Variants in MCCC2 observed in about 807,000 individuals in gnomAD.
The protein encoded by MCCC2 is methylcrotonoyl-CoA carboxylase beta chain, mitochondrial.
A neutral mutation model predicts 77.2 loss-of-function variants in MCCC2; 52 were observed. The ratio of observed to expected loss-of-function variants is 0.67; its 90% CI spans 0.54 to 0.85. The LOEUF (loss-of-function observed/expected upper bound fraction) is 0.85. Among genes scored for constraint, MCCC2 ranks in the 40% least tolerant of loss-of-function variants. The probability of loss-of-function intolerance (pLI) is 0.00; values close to 1 mark genes in which losing one functional copy is unlikely to be tolerated. For missense variants in MCCC2, 682 were observed against 703.2 expected (o/e 0.97, Z 0.34); for synonymous variants, 253 against 248.4 (o/e 1.02, Z -0.18).
At position 71,602,586 on chromosome 5, in the gene MCCC2, G is replaced by A. The variant is rs119103220; in HGVS notation, c.464G>A (p.Arg155Gln). The A allele has an allele frequency of 5.0e-6, 8 of 1,613,942 alleles. No homozygotes were observed. Among genetic ancestry groups the A allele is most frequent in the African/African-American group, 1.3e-5 (1 of 74,878 alleles). The change falls in exon 5 of 17, where the codon CGG (arginine) becomes CAG (glutamine). Residue 155 changes from arginine (R) to glutamine (Q), a missense_variant. Coordinates refer to ENST00000340941, the MANE Select transcript of MCCC2 (RefSeq NM_022132.5). ...CCAGTGACTGTGAAAAAACAATTAC[G>A]GGCCCAAGAAATTGCCATGCAAAAC... Reference protein sequence around the residue: ...YYPVTVKKQLRAQEIAMQNRL... With the variant: ...YYPVTVKKQLQAQEIAMQNRL...
intron 4 of MCCC2, 75 bp from the exon 5 acceptor site, chr5:71,602,431 G>A (rs1052543221): frequency 6.3e-7 from 1 of 1,583,076 alleles, no homozygotes; most frequent in Non-Finnish European, 8.7e-7. Context: ...TTGTATTGGG[G>A]TATCTTGTAA....
rs1336874167 is a variant in MCCC2 at position 71,657,084 on chromosome 5, C to G, written c.*224C>G. On this transcript the variant is annotated 3_prime_UTR_variant, in exon 17 of 17. Transcript: ENST00000340941. ...TTCTCTGTGGCTCAGTTTTACCACC[C>G]ATAAAGCGGAGACAGTAATTTACGG... 2.1e-6 allele frequency: 1 copy of G among 486,886 alleles called. No individual in the cohort carries two copies. Among genetic ancestry groups the G allele is most frequent in the Non-Finnish European group, 3.7e-6 (1 of 268,374 alleles). 30.2% of individuals were successfully genotyped at this position (486,886 alleles called of 1,614,324 possible). A position where few individuals can be genotyped will look rare whatever the true frequency, so the allele number is the denominator to read the frequency against.
At chr5:71,648,944 C>G (rs1561847830) in intron 13 of MCCC2, among the ~76,000 whole-genome samples, 153 bp from the exon 14 acceptor site, 1 of 152,220 alleles carries the variant, frequency 6.6e-6, no homozygotes, top group South Asian at 2.1e-4. Context: ...TTAAAGCAAA[C>G]TTTTTAACGG....
In MCCC2 at chr5:71,642,101, C is replaced by T. The variant is rs1368786915; in HGVS notation, c.1072+1026C>T. 2.6e-5 allele frequency among the ~76,000 whole-genome samples: 4 copies of T among 152,176 alleles called. No individual in the cohort carries two copies. The South Asian group carries it at 6.2e-4, about 24-fold the overall frequency. Reference sequence around the variant, plus strand: ...TCTGCTTTTATGGATTTGCCTCCTACTTGCTAAAAGCCCTGTGGCACTCTT... The same window carrying T: ...TCTGCTTTTATGGATTTGCCTCCTATTTGCTAAAAGCCCTGTGGCACTCTT... On this transcript the variant is annotated intron_variant, in intron 11 of 16. Coordinates refer to ENST00000340941, the MANE Select transcript of MCCC2 (RefSeq NM_022132.5).
chr5:71,589,170 G>A (rs1469417153), intron 1 of MCCC2, among the ~76,000 whole-genome samples: 5 of 152,190 alleles, frequency 3.3e-5, no homozygotes, highest in Non-Finnish European at 7.3e-5. Flanking sequence ...AGGGGAAAAT[G>A]GATGACTTTG....
In MCCC2 at chr5:71,656,222, A is replaced by AAAT. The variant is rs530470608; in HGVS notation, c.1575-506_1575-504dup. The stretch of plus-strand genomic sequence containing the variant: ...GTGACAGAGCGAGACTCCATCTCAA[A>AAAT]AATAATAATAATAATAAATAAGATA... On this transcript the variant is annotated intron_variant, in intron 16 of 16. Transcript: ENST00000340941. Among the ~76,000 whole-genome samples the AAAT allele has an allele frequency of 2.8e-3, 423 of 152,256 alleles. 1 individual carries two copies. The highest frequency in any genetic ancestry group is 9.8e-3 in the African/African-American group (407 of 41,544).
At chr5:71,631,792 G>A (rs549240824) in intron 7 of MCCC2, among the ~76,000 whole-genome samples, 37 of 151,786 alleles carry the variant, frequency 2.4e-4, no homozygotes, top group Non-Finnish European at 4.7e-4. Context: ...CACCCGCCTC[G>A]GCCTCCCAAA....
chr5:71,601,183 A>G (rs1745415828), intron 4 of MCCC2, among the ~76,000 whole-genome samples: 1 of 152,224 alleles, frequency 6.6e-6, no homozygotes, highest in Non-Finnish European at 1.5e-5. Context: ...CTCATTCTGT[A>G]ACAAGTCTGT....
At chr5:71,623,069 A>G (rs981957823) in intron 6 of MCCC2, among the ~76,000 whole-genome samples, 1 of 152,254 alleles carries the variant, frequency 6.6e-6, no homozygotes. Context: ...GAATAGTTGA[A>G]CAGGTTAGAT....
intron 6 of MCCC2, among the ~76,000 whole-genome samples, chr5:71,619,656 C>T (rs564086505): frequency 1.3e-5 from 2 of 152,208 alleles, no homozygotes; most frequent in South Asian, 2.1e-4. Flanking sequence ...GCCTCAGCCT[C>T]CTGAGTAGCT....
chr5:71,616,112 C>T (rs866297601), intron 6 of MCCC2, among the ~76,000 whole-genome samples: 1 of 152,192 alleles, frequency 6.6e-6, no homozygotes, highest in Non-Finnish European at 1.5e-5. Context: ...TGGTGCATTC[C>T]CACTCCGCGG....
At chr5:71,655,698 C>A (rs974928503) in intron 16 of MCCC2, among the ~76,000 whole-genome samples, 3 of 151,836 alleles carry the variant, frequency 2.0e-5, no homozygotes, top group Non-Finnish European at 2.9e-5. Context: ...GGTTCAGATA[C>A]CGAAGGGAGT....
At chr5:71,654,859 A>G (rs1747537111) in intron 16 of MCCC2, among the ~76,000 whole-genome samples, 1 of 145,982 alleles carries the variant, frequency 6.9e-6, no homozygotes. Context: ...TTTTTTTGAG[A>G]CAGAGTTTCT....
At chr5:71,609,346 A>C (rs369301135) in intron 6 of MCCC2, among the ~76,000 whole-genome samples, 3 of 152,006 alleles carry the variant, frequency 2.0e-5, no homozygotes, top group Admixed American at 6.6e-5. Flanking sequence ...ACCCTTTCTT[A>C]CAGTTGATCG....
At chr5:71,650,773 C>T (rs933302758) in intron 15 of MCCC2, among the ~76,000 whole-genome samples, 7 of 152,282 alleles carry the variant, frequency 4.6e-5, no homozygotes, top group South Asian at 4.1e-4. Flanking sequence ...CTCAGCCTCC[C>T]GAGTAGCTGG....
intron 5 of MCCC2, 95 bp from the exon 6 acceptor site, chr5:71,604,261 T>C: frequency 9.3e-7 from 1 of 1,079,596 alleles, no homozygotes. Flanking sequence ...TTTGTGAATG[T>C]GATTAAGAAC....
chr5:71,640,661 C>T (rs1561844899), intron 10 of MCCC2, among the ~76,000 whole-genome samples: 1 of 152,134 alleles, frequency 6.6e-6, no homozygotes, highest in Non-Finnish European at 1.5e-5. Flanking sequence ...ACTCTGAGCC[C>T]TGTCTCTACC....
Position 71,626,718 on chromosome 5 carries a change from A to C in MCCC2, c.703A>C (p.Lys235Gln). 6.2e-7 allele frequency: 1 copy of C among 1,614,102 alleles called. No individual in the cohort carries two copies. Among genetic ancestry groups the C allele is most frequent in the African/African-American group, 1.3e-5 (1 of 75,022 alleles). Residue 235 changes from lysine (K) to glutamine (Q), a missense_variant, in exon 7 of 17, where the codon AAG becomes CAG. Coordinates refer to ENST00000340941, the MANE Select transcript of MCCC2 (RefSeq NM_022132.5). ...AMADENIIVR[K>Q]QGTIFLAGPP... ...GGCTGATGAAAACATCATTGTACGC[A>C]AGCAGGGTACCATTTTCTTGGCAGG...
chr5:71,619,728 C>T (rs887481344), intron 6 of MCCC2, among the ~76,000 whole-genome samples: 5 of 151,920 alleles, frequency 3.3e-5, no homozygotes, highest in Non-Finnish European at 5.9e-5. Flanking sequence ...AAAGCAGGCA[C>T]GGTGGCTCAC....
Sources: allele counts gnomAD v4.1 joint callset (sites outside exome capture counted in the v4.1 genomes callset), GRCh38; gene constraint gnomAD v4.1.1; transcripts MANE v1.5; gene names NCBI Gene and HGNC (gene_info 2026-07-23, HGNC 2026-07-21).